The following RHOBTB3 variants were observed in gnomAD, a reference collection of about 807,000 sequenced individuals.
RHOBTB3 encodes rho-related BTB domain-containing protein 3.
In RHOBTB3, 47 loss-of-function variants were observed where a neutral mutation model predicts 67.2. The ratio of observed to expected loss-of-function variants is 0.70; its 90% confidence interval spans 0.55 to 0.89. The LOEUF is 0.89. Among genes scored for constraint, RHOBTB3 ranks in the 40% least tolerant of loss-of-function variants. The pLI is 0.00. For synonymous variants in RHOBTB3, 273 were observed against 274.2 expected (o/e 1.00, Z 0.04); for missense variants, 631 against 750.0 (o/e 0.84, Z 1.85).
At chr5:95,722,760 G>A (rs1754926777) in intron 1 of RHOBTB3, among the ~76,000 whole-genome samples, 1 of 152,328 alleles carries the variant, frequency 6.6e-6, no homozygotes, top group East Asian at 1.9e-4. Flanking sequence ...TGGGATTATA[G>A]GCGTGAGCCA....
Position 95,779,771 on chromosome 5 carries a change from G to T in RHOBTB3, c.1283-481G>T, listed in dbSNP as rs137896071. 1.3e-4 allele frequency among the ~76,000 whole-genome samples: 20 copies of T among 152,226 alleles called. No individual in the cohort carries two copies. The East Asian group carries it at 3.5e-3, about 26-fold the overall frequency. On this transcript the variant is annotated intron_variant, in intron 8 of 11. Coordinates refer to ENST00000379982, the MANE Select transcript of RHOBTB3 (RefSeq NM_014899.4). ...AGATCCTCTTGCTATTCCTACTGTG[G>T]TGTACGGACAGCTTATGGTTTACTT...
intron 3 of RHOBTB3, 46 bp from the exon 4 acceptor site, chr5:95,748,287 T>C (rs13166279): frequency 3.4e-6 from 5 of 1,463,804 alleles, no homozygotes; most frequent in Non-Finnish European, 4.7e-6. Context: ...ACCTTTTTTT[T>C]CCTGTTTAAT....
At chr5:95,733,336 C>T (rs530908702) in intron 2 of RHOBTB3, among the ~76,000 whole-genome samples, 1 of 152,116 alleles carries the variant, frequency 6.6e-6, no homozygotes, top group African/African-American at 2.4e-5. Context: ...TGGGATCTTT[C>T]GTTGTGAAAG....
chr5:95,792,709 T>C (rs1305663064), intron 11 of RHOBTB3, among the ~76,000 whole-genome samples: 6 of 150,734 alleles, frequency 4.0e-5, no homozygotes, highest in Admixed American at 2.0e-4. Context: ...GGAGAATTGC[T>C]TGAACTGGGG....
chr5:95,750,485 A>G (rs1378252053), intron 4 of RHOBTB3, among the ~76,000 whole-genome samples: 2 of 152,262 alleles, frequency 1.3e-5, no homozygotes, highest in African/African-American at 4.8e-5. Flanking sequence ...CATATGAACC[A>G]TATTTTAGGT....
At position 95,735,346 on chromosome 5, in the gene RHOBTB3, C is replaced by A. The variant is rs143680935; in HGVS notation, c.229-1543C>A. Among the ~76,000 whole-genome samples the A allele has an allele frequency of 4.7e-5, 7 of 148,386 alleles. No homozygotes were observed. In the East Asian group the frequency reaches 1.4e-3, roughly 29 times the overall value. ...GATAGGGTATTCATGACAAAAAATTCTGCAGTTCTTGTTACTCTGAGTGTA... is the reference window on the plus strand; with the variant it reads ...GATAGGGTATTCATGACAAAAAATTATGCAGTTCTTGTTACTCTGAGTGTA... On this transcript the variant is annotated intron_variant, in intron 2 of 11. Coordinates refer to ENST00000379982, the MANE Select transcript of RHOBTB3 (RefSeq NM_014899.4).
At chr5:95,755,901 A>T in intron 6 of RHOBTB3, 140 bp downstream of exon 6, 1 of 806,060 alleles carries the variant, frequency 1.2e-6, no homozygotes, top group Non-Finnish European at 1.9e-6. Flanking sequence ...ATGAAATATT[A>T]TTTGCTTTAT....
chr5:95,720,659 T>G (rs561859205), intron 1 of RHOBTB3, among the ~76,000 whole-genome samples: 40 of 152,190 alleles, frequency 2.6e-4, no homozygotes, highest in Non-Finnish European at 5.0e-4. Flanking sequence ...TTGTTTGTAT[T>G]ACATTATACG....
intron 4 of RHOBTB3, chr5:95,751,268 T>A (rs1211690965): frequency 6.6e-6 from 1 of 152,184 alleles, no homozygotes; most frequent in Non-Finnish European, 1.5e-5. Context: ...TAATATTAAC[T>A]GTGGTGGTTG....
Position 95,794,334 on chromosome 5 carries a change from T to G in RHOBTB3, c.*1160T>G, listed in dbSNP as rs1580436404. On this transcript the variant is annotated 3_prime_UTR_variant, in exon 12 of 12. Coordinates refer to ENST00000379982, the MANE Select transcript of RHOBTB3 (RefSeq NM_014899.4). Reference sequence around the variant, plus strand: ...CTCTGTAGAGAATTTGCTACCGAAGTTGGCTCAAGAATTTGTTTTTAGTGT... The same window carrying G: ...CTCTGTAGAGAATTTGCTACCGAAGGTGGCTCAAGAATTTGTTTTTAGTGT... 1.2e-5 allele frequency: 2 copies of G among 170,368 alleles called. No individual in the cohort carries two copies. Among genetic ancestry groups the G allele is most frequent in the East Asian group, 3.1e-4 (2 of 6,358 alleles). The allele number at this position is 170,368 out of a possible 1,614,324, so 10.6% of individuals were successfully genotyped here.
intron 8 of RHOBTB3, among the ~76,000 whole-genome samples, chr5:95,777,446 A>C (rs11135433): frequency 6.6e-6 from 1 of 152,180 alleles, no homozygotes; most frequent in African/African-American, 2.4e-5. Flanking sequence ...TCCTTAGAAA[A>C]AAATTCTTAA....
At chr5:95,752,102 T>C (rs1580406460) in intron 4 of RHOBTB3, 137 bp from the exon 5 acceptor site, 1 of 586,844 alleles carries the variant, frequency 1.7e-6, no homozygotes, top group East Asian at 3.0e-5. Flanking sequence ...AAACATTGTT[T>C]ATATGTGTTT....
intron 1 of RHOBTB3, among the ~76,000 whole-genome samples, chr5:95,718,264 G>A (rs949767866): frequency 1.3e-5 from 2 of 152,136 alleles, no homozygotes; most frequent in Non-Finnish European, 2.9e-5. Flanking sequence ...GCAGTAGAGA[G>A]ATAAGAGTTG....
upstream of RHOBTB3, among the ~76,000 whole-genome samples, chr5:95,729,675 C>A (rs190071099): frequency 6.6e-6 from 1 of 152,152 alleles, no homozygotes; most frequent in African/African-American, 2.4e-5. Context: ...ACAACGCCCC[C>A]TTTTCCCCTC....
chr5:95,726,268 T>A (rs1235993147), upstream of RHOBTB3, among the ~76,000 whole-genome samples: 1 of 152,254 alleles, frequency 6.6e-6, no homozygotes, highest in Admixed American at 6.5e-5. Flanking sequence ...GATATTTTTA[T>A]CTTGGCAAGA....
chr5:95,767,417 A>T (rs951056700), intron 7 of RHOBTB3, among the ~76,000 whole-genome samples: 10 of 151,722 alleles, frequency 6.6e-5, no homozygotes, highest in African/African-American at 2.4e-4. Context: ...AGTTTACTGC[A>T]GCCTCTGCCC....
At chr5:95,789,694 G>A (rs183516933) in intron 11 of RHOBTB3, 1 of 152,240 alleles carries the variant, frequency 6.6e-6, no homozygotes, top group Non-Finnish European at 1.5e-5. Flanking sequence ...AGGAGAAGGA[G>A]AGAGAGAGGG....
At chr5:95,774,515 T>C (rs1745811725) in intron 8 of RHOBTB3, among the ~76,000 whole-genome samples, 1 of 152,224 alleles carries the variant, frequency 6.6e-6, no homozygotes, top group Non-Finnish European at 1.5e-5. Flanking sequence ...TCTCCTTTAT[T>C]TTCATTATTA....
intron 8 of RHOBTB3, among the ~76,000 whole-genome samples, chr5:95,779,193 G>A: frequency 6.6e-6 from 1 of 152,336 alleles, no homozygotes; most frequent in East Asian, 1.9e-4. Flanking sequence ...CTTGGGCAGG[G>A]CTGAGTGGCT....
Sources: allele counts gnomAD v4.1 joint callset (sites outside exome capture counted in the v4.1 genomes callset), GRCh38; gene constraint gnomAD v4.1.1; transcripts MANE v1.5; gene names NCBI Gene and HGNC (gene_info 2026-07-23, HGNC 2026-07-21).